Variants in SYNE3 observed in about 807,000 individuals in gnomAD.
SYNE3 encodes the protein spectrin repeat containing nuclear envelope family member 3, also known as nesprin-3.
In SYNE3, 100 loss-of-function variants were observed where a neutral mutation model predicts 111.2. That is an observed-to-expected ratio of 0.90 (90% confidence interval 0.77 to 1.06). The LOEUF (loss-of-function observed/expected upper bound fraction) is 1.06. Ranked by LOEUF, SYNE3 falls within the 50% of genes least tolerant of loss-of-function variation. The probability of loss-of-function intolerance (pLI) is 0.00; values close to 1 mark genes in which losing one functional copy is unlikely to be tolerated. For missense variants in SYNE3, 1,160 were observed against 1,240.3 expected (o/e 0.94, Z 0.97); for synonymous variants, 547 against 533.9 (o/e 1.02, Z -0.34).
rs547634648 is a variant in SYNE3, at chr14:95,452,902, G to A, written c.1138-519C>T. On this transcript the variant is annotated intron_variant, in intron 6 of 17. Coordinates refer to ENST00000682763, the MANE Select transcript of SYNE3 (RefSeq NM_152592.6). ...CTTTGTGAACCCGGTTATTATTCTC[G>A]GCAGGCCTAGAAGCTATTTGCATGG... is the stretch of plus-strand genomic sequence containing the variant. 5.3e-5 allele frequency among the ~76,000 whole-genome samples: 8 copies of A among 152,220 alleles called. No individual in the cohort carries two copies. In the South Asian group the frequency reaches 6.2e-4, roughly 12 times the overall value.
At chr14:95,469,422 C>T (rs1244057597) in intron 2 of SYNE3, among the ~76,000 whole-genome samples, 2 of 150,168 alleles carry the variant, frequency 1.3e-5, no homozygotes. Context: ...TATCCAGGTA[C>T]AGTGCTGCAT....
rs909457697 is a variant in SYNE3, at chr14:95,415,239, T to A, written c.*2587A>T. ...TCTTCCCCATTCTGGGCCTCAGCTT[T>A]CTCACCTGTGACATAGGAAAGTGGA... is the stretch of plus-strand genomic sequence containing the variant. On this transcript the variant is annotated 3_prime_UTR_variant, in exon 18 of 18. Transcript: ENST00000682763. 6.6e-6 allele frequency: 1 copy of A among 152,256 alleles called. No individual in the cohort carries two copies. The highest frequency in any genetic ancestry group is 1.5e-5 in the Non-Finnish European group (1 of 68,132). The allele number at this position is 152,256 out of a possible 1,614,324, so 9.4% of individuals were successfully genotyped here.
intron 9 of SYNE3, 93 bp from the exon 10 acceptor site, chr14:95,444,721 C>A: frequency 6.9e-7 from 1 of 1,439,832 alleles, no homozygotes; most frequent in Non-Finnish European, 9.2e-7. Flanking sequence ...TGCTCTTCGT[C>A]TCGGCCAGCT....
In SYNE3 at chr14:95,433,483, T is replaced by A. The variant is rs187289380; in HGVS notation, c.2539-74A>T. On this transcript the variant is annotated intron_variant, in intron 15 of 17. Coordinates refer to ENST00000682763, the MANE Select transcript of SYNE3 (RefSeq NM_152592.6). ...GCCCCACCTGAATGGTAAGGATGGGTCCATCAAATTTCACTTGACAGACAG... is the reference window on the plus strand; with the variant it reads ...GCCCCACCTGAATGGTAAGGATGGGACCATCAAATTTCACTTGACAGACAG... 3.7e-5 allele frequency: 58 copies of A among 1,568,524 alleles called. No homozygotes were observed. In the East Asian group the frequency reaches 1.3e-3, roughly 34 times the overall value.
At chr14:95,509,462 C>T (rs1566692193) in intron 1 of SYNE3, among the ~76,000 whole-genome samples, 1 of 152,154 alleles carries the variant, frequency 6.6e-6, no homozygotes. Flanking sequence ...ACTATAGTGG[C>T]CAGACCCAAG....
Position 95,439,961 on chromosome 14 carries a change from C to T in SYNE3, c.2026G>A (p.Gly676Arg). Residue 676 changes from glycine to arginine, a missense_variant, in exon 12 of 18, where the codon GGA (glycine) becomes AGA (arginine). Physicochemically the swap from Gly to Arg is moderately radical, Grantham distance 125. Transcript: ENST00000682763. ...TCGGCATCCCCCGGGCCCGCCTCTCCCCGGTGTGCCTCCAGCTTTTGCGTG... is the reference window on the plus strand; with the variant it reads ...TCGGCATCCCCCGGGCCCGCCTCTCTCCGGTGTGCCTCCAGCTTTTGCGTG... Reference protein sequence around the residue: ...VTTQKLEAHRGEAGPGDAESQ... With the variant: ...VTTQKLEAHRREAGPGDAESQ... 6.2e-7 allele frequency: 1 copy of T among 1,614,108 alleles called. No homozygotes were observed. Among genetic ancestry groups the T allele is most frequent in the Non-Finnish European group, 8.5e-7 (1 of 1,180,026 alleles).
chr14:95,484,163 T>C (rs17092540), intron 1 of SYNE3, among the ~76,000 whole-genome samples: 52,460 of 151,824 alleles, frequency 0.35, 10,570 homozygotes, highest in African/African-American at 0.57. Flanking sequence ...CAAATACAGG[T>C]GTTTGAGAGG....
At chr14:95,425,210 C>T (rs1353142289) in intron 17 of SYNE3, among the ~76,000 whole-genome samples, 2 of 150,988 alleles carry the variant, frequency 1.3e-5, no homozygotes, top group Admixed American at 6.6e-5. Context: ...TGCACCACTG[C>T]ACTCCAGCCT....
At chr14:95,494,789 C>T (rs887499259) in intron 1 of SYNE3, among the ~76,000 whole-genome samples, 1 of 152,152 alleles carries the variant, frequency 6.6e-6, no homozygotes, top group African/African-American at 2.4e-5. Context: ...CCTAAGGCAT[C>T]CTATTTATTG....
At chr14:95,436,709 AGAACAGCTCACAAACTGT>A (rs1886103769) in intron 15 of SYNE3, 93 bp downstream of exon 15, 5 of 1,287,028 alleles carry the variant, frequency 3.9e-6, no homozygotes, top group Non-Finnish European at 5.4e-6. Flanking sequence ...TACACAAGGG[AGAACAGCTCACAAACTGT>A]GGGTGTGTTC....
rs1903315265 is a variant in SYNE3 at position 95,407,683 on chromosome 14, G to A, written c.*10143C>T. The A allele has an allele frequency of 6.6e-6, 1 of 152,132 alleles. No homozygotes were observed. The allele number at this position is 152,132 out of a possible 1,614,324, so 9.4% of individuals were successfully genotyped here. A position where few individuals can be genotyped will look rare whatever the true frequency, so the allele number is the denominator to read the frequency against. ...AATAGAATATTTAAAACAATGGAAT[G>A]TGTTTGTCTTTGACATCAAAAATCA... On this transcript the variant is annotated 3_prime_UTR_variant, in exon 18 of 18. Transcript: ENST00000682763.
chr14:95,457,419 GGTGTGT>G (rs36203973), intron 4 of SYNE3, 81 bp from the exon 5 acceptor site: 391 of 1,397,474 alleles, frequency 2.8e-4, no homozygotes, highest in South Asian at 7.9e-4. Flanking sequence ...AGCCTGCCTG[GGTGTGT>G]GTGTGTGTGT....
intron 1 of SYNE3, among the ~76,000 whole-genome samples, chr14:95,478,156 C>T (rs989928375): frequency 2.6e-5 from 4 of 152,152 alleles, no homozygotes; most frequent in Non-Finnish European, 5.9e-5. Context: ...GTGGGCTGGG[C>T]GAGGCTGCAG....
intron 17 of SYNE3, 62 bp from the exon 18 acceptor site, chr14:95,418,088 CA>C (rs1035805908): frequency 6.3e-7 from 1 of 1,576,122 alleles, no homozygotes; most frequent in African/African-American, 1.3e-5. Context: ...GGGGCAGGTT[CA>C]GGGGGCGAGG....
At chr14:95,457,487 C>A (rs990520460) in intron 4 of SYNE3, 149 bp from the exon 5 acceptor site, 32 of 825,128 alleles carry the variant, frequency 3.9e-5, no homozygotes, top group Non-Finnish European at 5.3e-5. Flanking sequence ...TCTCTAGACA[C>A]AAAGAGCTCT....
chr14:95,449,645 C>G (rs1886935739), intron 8 of SYNE3: 1 of 985,284 alleles, frequency 1.0e-6, no homozygotes, highest in Admixed American at 6.1e-5. Context: ...CCTGAGAACG[C>G]TGCTCTCTCA....
chr14:95,502,892 C>A (rs184273842), intron 1 of SYNE3, among the ~76,000 whole-genome samples: 1 of 152,204 alleles, frequency 6.6e-6, no homozygotes, highest in Non-Finnish European at 1.5e-5. Context: ...AGCTCCATGT[C>A]GAGCAGCGAG....
chr14:95,432,674 AT>A (rs1566959172), intron 16 of SYNE3, among the ~76,000 whole-genome samples: 3 of 126,810 alleles, frequency 2.4e-5, no homozygotes, highest in African/African-American at 8.8e-5. Flanking sequence ...TATTATTATT[AT>A]TATTTGGTGT....
At chr14:95,434,668 T>C (rs201102399) in intron 15 of SYNE3, among the ~76,000 whole-genome samples, 1 of 149,010 alleles carries the variant, frequency 6.7e-6, no homozygotes, top group Non-Finnish European at 1.5e-5. Flanking sequence ...ATCTTTTTTT[T>C]CTTTTTGAGA....
Sources: allele counts gnomAD v4.1 joint callset (sites outside exome capture counted in the v4.1 genomes callset), GRCh38; gene constraint gnomAD v4.1.1; transcripts MANE v1.5; gene names NCBI Gene and HGNC (gene_info 2026-07-23, HGNC 2026-07-21).